Variants in NRXN3 observed in about 807,000 individuals in gnomAD.
NRXN3 encodes neurexin III.
NRXN3 carries 32 observed loss-of-function variants against 137.6 expected under a neutral mutation model. The observed-to-expected ratio is 0.23, with a 90% CI of 0.18 to 0.31. The LOEUF (loss-of-function observed/expected upper bound fraction) is 0.31. Among genes scored for constraint, NRXN3 ranks in the 10% least tolerant of loss-of-function variants. The pLI is 1.00. For missense variants in NRXN3, 1,574 were observed against 2,062.5 expected (o/e 0.76, Z 4.59); for synonymous variants, 798 against 784.5 (o/e 1.02, Z -0.29).
At chr14:78,295,895 T>C (rs933753640) in intron 3 of NRXN3, among the ~76,000 whole-genome samples, 1 of 152,192 alleles carries the variant, frequency 6.6e-6, no homozygotes, top group African/African-American at 2.4e-5. Flanking sequence ...GTGGGTCAAA[T>C]AAAGACTCTT....
intron 10 of NRXN3, among the ~76,000 whole-genome samples, chr14:78,867,821 A>C (rs1370868692): frequency 6.6e-6 from 1 of 152,040 alleles, no homozygotes; most frequent in Non-Finnish European, 1.5e-5. Context: ...AAACCTAAGC[A>C]TAAAAATACC....
chr14:79,697,490 A>G (rs902542278), intron 18 of NRXN3, 140 bp from the exon 19 acceptor site: 48 of 729,590 alleles, frequency 6.6e-5, no homozygotes, highest in Non-Finnish European at 1.1e-4. Flanking sequence ...TAACGTCAGT[A>G]CTGAGGTTTT....
intron 20 of NRXN3, among the ~76,000 whole-genome samples, chr14:79,808,652 G>A (rs957686860): frequency 2.0e-5 from 3 of 152,050 alleles, no homozygotes; most frequent in Admixed American, 6.5e-5. Context: ...AGCTGTCTCC[G>A]TTTATGAGGC....
At chr14:79,272,714 C>A (rs1274852449) in intron 15 of NRXN3, among the ~76,000 whole-genome samples, 1 of 152,168 alleles carries the variant, frequency 6.6e-6, no homozygotes, top group African/African-American at 2.4e-5. Context: ...GCCTGCATTA[C>A]CTGGTTCCAG....
At chr14:79,518,096 G>A (rs1271870609) in intron 16 of NRXN3, among the ~76,000 whole-genome samples, 2 of 150,960 alleles carry the variant, frequency 1.3e-5, no homozygotes, top group African/African-American at 4.9e-5. Context: ...GCAGAGACAG[G>A]GTTTCATCAT....
chr14:78,495,088 T>C (rs1370850939), intron 4 of NRXN3, among the ~76,000 whole-genome samples: 3 of 150,710 alleles, frequency 2.0e-5, no homozygotes, highest in Non-Finnish European at 4.4e-5. Context: ...TCTTGACTTT[T>C]TTTTTTTTTT....
At chr14:79,334,441 G>A (rs2092077826) in intron 15 of NRXN3, among the ~76,000 whole-genome samples, 1 of 152,170 alleles carries the variant, frequency 6.6e-6, no homozygotes, top group Non-Finnish European at 1.5e-5. Flanking sequence ...TAATCACCCT[G>A]AAACAGGAAT....
At chr14:78,804,740 TA>T (rs1555503667) in intron 9 of NRXN3, among the ~76,000 whole-genome samples, 1 of 152,194 alleles carries the variant, frequency 6.6e-6, no homozygotes, top group Non-Finnish European at 1.5e-5. Context: ...TGATATTCTA[TA>T]GAGATTGGGA....
chr14:79,568,505 A>G (rs2097570024), intron 16 of NRXN3, among the ~76,000 whole-genome samples: 1 of 152,116 alleles, frequency 6.6e-6, no homozygotes, highest in Admixed American at 6.6e-5. Context: ...CAGAAAACCA[A>G]CAAACTCCAC....
chr14:78,355,811 T>G lies in NRXN3; in HGVS notation c.757+57951T>G, dbSNP rs1450537139. Among the ~76,000 whole-genome samples, 2 of 152,232 alleles carry G rather than the reference T, an allele frequency of 1.3e-5. 1 individual carries two copies. The highest frequency in any genetic ancestry group is 3.8e-4 in the East Asian group (2 of 5,198). On this transcript the variant is annotated intron_variant, in intron 4 of 20. Coordinates refer to ENST00000335750, the MANE Select transcript of NRXN3 (RefSeq NM_001330195.2). The stretch of plus-strand genomic sequence containing the variant: ...TTTACGGATACGTCATTTATCAATC[T>G]TTAATACATGATTGGTTAGGAGAGT...
intron 1 of NRXN3, among the ~76,000 whole-genome samples, chr14:78,198,537 T>C (rs1367181538): frequency 1.3e-5 from 2 of 152,168 alleles, no homozygotes; most frequent in Non-Finnish European, 2.9e-5. Flanking sequence ...GGATGGTGCA[T>C]GCTGCGAAAG....
At chr14:78,584,064 A>G (rs2097033069) in intron 4 of NRXN3, among the ~76,000 whole-genome samples, 1 of 152,168 alleles carries the variant, frequency 6.6e-6, no homozygotes. Flanking sequence ...GCTGAAGAAG[A>G]TTGTCTAGAG....
intron 19 of NRXN3, among the ~76,000 whole-genome samples, chr14:79,699,548 T>A (rs2098747229): frequency 6.6e-6 from 1 of 152,004 alleles, no homozygotes; most frequent in South Asian, 2.1e-4. Context: ...ATTATTGGTT[T>A]TTTGGCTTTC....
At chr14:79,173,414 C>T (rs1046623176) in intron 15 of NRXN3, among the ~76,000 whole-genome samples, 1 of 150,834 alleles carries the variant, frequency 6.6e-6, no homozygotes, top group Non-Finnish European at 1.5e-5. Flanking sequence ...TGCCTGTAGT[C>T]TCAGCTATTC....
In NRXN3 at chr14:79,739,648, CAAAAAAAA is replaced by C. The variant is rs72347811; in HGVS notation, c.4014+41733_4014+41740del. ...TGGGTGACAGAACGAGACTCTGCCT[CAAAAAAAA>C]AAAAAAAAAAAAAAAAAAAAAGAAC... On this transcript the variant is annotated intron_variant, in intron 19 of 20. Coordinates refer to ENST00000335750, the MANE Select transcript of NRXN3 (RefSeq NM_001330195.2). Among the ~76,000 whole-genome samples the C allele has an allele frequency of 9.7e-4, 31 of 31,824 alleles. 1 individual carries two copies. Among genetic ancestry groups the C allele is most frequent in the African/African-American group, 2.8e-3 (24 of 8,698 alleles). 20.9% of individuals were successfully genotyped at this position (31,824 alleles called of 152,430 possible).
chr14:78,537,776 T>A (rs1404927577), intron 4 of NRXN3, among the ~76,000 whole-genome samples: 4 of 152,216 alleles, frequency 2.6e-5, no homozygotes, highest in African/African-American at 9.6e-5. Flanking sequence ...CATCTTGAAT[T>A]AATTTTTGTA....
rs116960601 is a variant in NRXN3, at chr14:79,825,132, G to A, written c.4093+19942G>A. Reference sequence around the variant, plus strand: ...CTTCATTTGTTTACCAGGCTGTTTTGTTCTGCATCCTCTGCCAAATGCCAT... The same window carrying A: ...CTTCATTTGTTTACCAGGCTGTTTTATTCTGCATCCTCTGCCAAATGCCAT... On this transcript the variant is annotated intron_variant, in intron 20 of 20. Coordinates refer to ENST00000335750, the MANE Select transcript of NRXN3 (RefSeq NM_001330195.2). 0.012 allele frequency among the ~76,000 whole-genome samples: 1,842 copies of A among 148,602 alleles called. 75 individuals are homozygous for A. The East Asian group carries it at 0.13, about 11-fold the overall frequency.
At chr14:79,772,687 T>G (rs146142378) in intron 19 of NRXN3, among the ~76,000 whole-genome samples, 7,065 of 152,228 alleles carry the variant, frequency 0.046, 190 homozygotes, top group Non-Finnish European at 0.057. Flanking sequence ...GAAGAAAACC[T>G]AGGCATTACC....
At chr14:79,393,794 T>A (rs2094932276) in intron 15 of NRXN3, among the ~76,000 whole-genome samples, 1 of 152,254 alleles carries the variant, frequency 6.6e-6, no homozygotes, top group African/African-American at 2.4e-5. Flanking sequence ...CCAGCCTGGG[T>A]GACAGGGCGA....
Sources: allele counts gnomAD v4.1 joint callset (sites outside exome capture counted in the v4.1 genomes callset), GRCh38; gene constraint gnomAD v4.1.1; transcripts MANE v1.5; gene names NCBI Gene and HGNC (gene_info 2026-07-23, HGNC 2026-07-21).